FNTB: variants seen among roughly 807,000 people sequenced by gnomAD.
FNTB encodes the protein protein farnesyltransferase subunit beta.
A neutral mutation model predicts 59.4 loss-of-function variants in FNTB; 27 were observed. That is an observed-to-expected ratio of 0.45 (90% confidence interval 0.34 to 0.63). The LOEUF (loss-of-function observed/expected upper bound fraction) is 0.63, where lower values mean the gene tolerates loss of function less well. Ranked by LOEUF, FNTB falls within the 20% of genes least tolerant of loss-of-function variation. The pLI is 0.02. For missense variants in FNTB, 449 were observed against 559.6 expected (o/e 0.80, Z 1.99); for synonymous variants, 230 against 220.7 (o/e 1.04, Z -0.37).
chr14:65,043,482 C>T (rs1234199146), intron 8 of FNTB, among the ~76,000 whole-genome samples: 1 of 152,106 alleles, frequency 6.6e-6, no homozygotes, highest in East Asian at 1.9e-4. Context: ...GGTAAATTTC[C>T]CCAGGTGCCA....
chr14:64,993,683 T>C (rs539111903), intron 1 of FNTB, among the ~76,000 whole-genome samples: 5 of 152,208 alleles, frequency 3.3e-5, no homozygotes, highest in East Asian at 1.9e-4. Context: ...GAGGGAGATA[T>C]AGGAAGCAGA....
chr14:65,052,514 T>C (rs566960283), intron 9 of FNTB, among the ~76,000 whole-genome samples: 11 of 152,338 alleles, frequency 7.2e-5, no homozygotes, highest in Admixed American at 1.3e-4. Context: ...TGCACACCTG[T>C]CCGTGATTTG....
chr14:65,006,342 C>A lies in FNTB; in HGVS notation c.209+2029C>A, dbSNP rs912598405. On this transcript the variant is annotated intron_variant, in intron 2 of 11. Transcript: ENST00000246166. ...ACTAGTATAGTCTTTCCCTTAACTG[C>A]TAAACCAAATCTCTGCATTAACCCA... 2.5e-6 allele frequency: 4 copies of A among 1,601,516 alleles called. No individual in the cohort carries two copies. In the Admixed American group the frequency reaches 7.0e-5, roughly 28 times the overall value.
rs369829374 is a variant in FNTB at position 65,014,598 on chromosome 14, C to T, written c.283-1027C>T. 2.6e-5 allele frequency among the ~76,000 whole-genome samples: 4 copies of T among 152,234 alleles called. No homozygotes were observed. Among genetic ancestry groups the T allele is most frequent in the Admixed American group, 2.6e-4 (4 of 15,288 alleles). On this transcript the variant is annotated intron_variant, in intron 3 of 11. Transcript: ENST00000246166. The surrounding 1 kb of genome is among the most constrained non-coding windows in gnomAD (Gnocchi z 5.1). Reference sequence around the variant, plus strand: ...GGAGGCTCAGGCAGGTGAATTGCTTCAGCCCAGGAGTTCAAGACCAGCCTG... The same window carrying T: ...GGAGGCTCAGGCAGGTGAATTGCTTTAGCCCAGGAGTTCAAGACCAGCCTG...
rs2062020946 is a variant in FNTB, at chr14:65,028,339, G to A, written c.605+558G>A. ...TTATTTTCTTCCATAAGTGTCTGAT[G>A]TACCAAGCAAGTTGCTTCCTCACCT... On this transcript the variant is annotated intron_variant, in intron 6 of 11. Transcript: ENST00000246166. The surrounding 1 kb of genome is among the most constrained non-coding windows in gnomAD (Gnocchi z 4.4). 6.6e-6 allele frequency among the ~76,000 whole-genome samples: 1 copy of A among 152,212 alleles called. No homozygotes were observed. Among genetic ancestry groups the A allele is most frequent in the Non-Finnish European group, 1.5e-5 (1 of 68,042 alleles).
Position 65,032,428 on chromosome 14 carries a change from C to G in FNTB, c.606-182C>G, listed in dbSNP as rs1813360128. ...CACTGAAGCCATGCCGTGAGCAACT[C>G]TATCCAAATAGAATGTCACACCTCT... On this transcript the variant is annotated intron_variant, in intron 6 of 11. Coordinates refer to ENST00000246166, the MANE Select transcript of FNTB (RefSeq NM_002028.4). The surrounding 1 kb of genome is among the most constrained non-coding windows in gnomAD (Gnocchi z 5.0). 1.9e-6 allele frequency: 1 copy of G among 528,078 alleles called. No individual in the cohort carries two copies. The allele number at this position is 528,078 out of a possible 1,614,324, so 32.7% of individuals were successfully genotyped here. A position where few individuals can be genotyped will look rare whatever the true frequency, so the allele number is the denominator to read the frequency against.
At chr14:64,998,919 T>C (rs968736536) in intron 1 of FNTB, among the ~76,000 whole-genome samples, 4 of 152,168 alleles carry the variant, frequency 2.6e-5, no homozygotes, top group African/African-American at 9.7e-5. Context: ...ACAGCCAAAT[T>C]GTCCACCAGC....
intron 1 of FNTB, among the ~76,000 whole-genome samples, chr14:64,993,954 C>A (rs1485361752): frequency 6.6e-6 from 1 of 151,904 alleles, no homozygotes; most frequent in Non-Finnish European, 1.5e-5. Context: ...CTCCTGGGTT[C>A]AAGCGATTCT....
intron 4 of FNTB, among the ~76,000 whole-genome samples, chr14:65,018,148 T>C (rs1029824013): frequency 6.6e-6 from 1 of 151,518 alleles, no homozygotes; most frequent in Non-Finnish European, 1.5e-5. Flanking sequence ...TCAAGACCAG[T>C]CTGGGCGACA....
At chr14:65,006,380 C>CAAT (rs2061590864) in intron 2 of FNTB, 1 of 1,530,638 alleles carries the variant, frequency 6.5e-7, no homozygotes, top group Non-Finnish European at 8.8e-7. Flanking sequence ...GCTCTGACCT[C>CAAT]AATAAAATGA....
chr14:65,027,819 C>T lies in FNTB; in HGVS notation c.605+38C>T, dbSNP rs754681023. On this transcript the variant is annotated intron_variant, in intron 6 of 11. Transcript: ENST00000246166. The surrounding 1 kb of genome is among the most constrained non-coding windows in gnomAD (Gnocchi z 5.7). ...TTGCACAGGCTGCCACATCAGTTGA[C>T]TCTAGAGCTCATCTGCCATTAGAGA... is the stretch of plus-strand genomic sequence containing the variant. 6 of 1,612,802 alleles carry T rather than the reference C, an allele frequency of 3.7e-6. No homozygotes were observed. In the Admixed American group the frequency reaches 1.0e-4, roughly 27 times the overall value.
At chr14:64,996,663 A>C (rs1344044099) in intron 1 of FNTB, among the ~76,000 whole-genome samples, 1 of 152,142 alleles carries the variant, frequency 6.6e-6, no homozygotes, top group Non-Finnish European at 1.5e-5. Flanking sequence ...AGCACTTTGA[A>C]ATCCTTTTCC....
chr14:65,025,138 CCAGA>C (rs920898054), intron 4 of FNTB, among the ~76,000 whole-genome samples: 4 of 152,062 alleles, frequency 2.6e-5, no homozygotes, highest in Non-Finnish European at 4.4e-5. Flanking sequence ...TAGCACAGCC[CCAGA>C]CAGTCAGATG....
At chr14:65,005,560 C>T (rs2061574439) in intron 2 of FNTB, among the ~76,000 whole-genome samples, 1 of 149,814 alleles carries the variant, frequency 6.7e-6, no homozygotes, top group Admixed American at 6.7e-5. Context: ...CTCTTTCTCT[C>T]TCCCTCTCTC....
At chr14:65,036,684 C>T (rs181694216) in intron 7 of FNTB, among the ~76,000 whole-genome samples, 2 of 150,604 alleles carry the variant, frequency 1.3e-5, no homozygotes, top group East Asian at 1.9e-4. Flanking sequence ...CCTTCTTTAG[C>T]GGCTTGGAAT....
At chr14:65,022,142 A>G (rs190128092) in intron 4 of FNTB, 18 of 450,222 alleles carry the variant, frequency 4.0e-5, no homozygotes, top group Middle Eastern at 3.4e-4. Flanking sequence ...CCTCTTCACT[A>G]TATCAAGCTG....
In FNTB at chr14:65,004,693, G is replaced by C. The variant is rs147575704; in HGVS notation, c.209+380G>C. Among the ~76,000 whole-genome samples the C allele has an allele frequency of 3.9e-3, 588 of 151,156 alleles. 3 individuals carry two copies. Among genetic ancestry groups the C allele is most frequent in the African/African-American group, 0.013 (554 of 41,080 alleles). ...CTTTTTTTTTTTGAGACAGCGTTTC[G>C]CTCTTGTTGCCCAGGCTGGGGTGCA... On this transcript the variant is annotated intron_variant, in intron 2 of 11. Transcript: ENST00000246166.
rs1888328617 is a variant in FNTB at position 64,994,686 on chromosome 14, T to C, written c.144+7589T>C. Among the ~76,000 whole-genome samples, 1 of 152,206 alleles carries C rather than the reference T, an allele frequency of 6.6e-6. No individual in the cohort carries two copies. Among genetic ancestry groups the C allele is most frequent in the South Asian group, 2.1e-4 (1 of 4,834 alleles). ...CTAGGGAACTTAGCATGAATGGAGC[T>C]TGTGGGCCTGGAAGTTGCTCTGGGT... On this transcript the variant is annotated intron_variant, in intron 1 of 11. Coordinates refer to ENST00000246166, the MANE Select transcript of FNTB (RefSeq NM_002028.4). This position sits in a 1 kb window ranked among gnomAD's most constrained non-coding sequence, Gnocchi z 4.2.
At chr14:65,002,044 T>C (rs753853608) in intron 1 of FNTB, among the ~76,000 whole-genome samples, 5 of 152,230 alleles carry the variant, frequency 3.3e-5, no homozygotes, top group Non-Finnish European at 5.9e-5. Flanking sequence ...CAGATAATTC[T>C]TTCATGCTTC....
Sources: gnomAD v4.1 joint callset for allele counts (sites outside exome capture counted in the v4.1 genomes callset) on GRCh38, gnomAD v4.1.1 for gene constraint, Gnocchi (gnomAD v3.1) non-coding constraint, MANE v1.5 for transcripts, NCBI Gene and HGNC (gene_info 2026-07-23, HGNC 2026-07-21) for gene names.